The following IGF2BP3 variants were observed in gnomAD, a reference collection of about 807,000 sequenced individuals.
IGF2BP3 encodes the protein insulin-like growth factor 2 mRNA-binding protein 3.
In IGF2BP3, 9 loss-of-function variants were observed where a neutral mutation model predicts 73.8. That is an observed-to-expected ratio of 0.12 (90% confidence interval 0.07 to 0.21). The LOEUF is 0.21. IGF2BP3 is among the 10% of genes least tolerant of loss of function. The pLI is 1.00. For synonymous variants in IGF2BP3, 258 were observed against 256.7 expected, an observed-to-expected ratio of 1.01 and a Z score of -0.05; for missense variants, 542 against 714.0, an observed-to-expected ratio of 0.76 and a Z score of 2.75.
intron 2 of IGF2BP3, among the ~76,000 whole-genome samples, chr7:23,441,573 TTAAAAAAAAAA>T (rs1234382810): frequency 1.7e-4 from 11 of 66,410 alleles, no homozygotes; most frequent in African/African-American, 4.9e-4. Flanking sequence ...ACTCCATCTC[TTAAAAAAAAAA>T]AAAAAAAAAA....
chr7:23,374,958 G>C (rs1374494706), intron 3 of IGF2BP3, among the ~76,000 whole-genome samples: 1 of 151,914 alleles, frequency 6.6e-6, no homozygotes, highest in African/African-American at 2.4e-5. Flanking sequence ...CCCCGTTCAG[G>C]GTCCCTGACT....
intron 2 of IGF2BP3, among the ~76,000 whole-genome samples, chr7:23,459,529 C>T: frequency 6.6e-6 from 1 of 152,094 alleles, no homozygotes; most frequent in East Asian, 1.9e-4. Context: ...TTTAGACCAC[C>T]ATTTGGAAGA....
At chr7:23,333,024 T>C (rs1784481211) in intron 10 of IGF2BP3, among the ~76,000 whole-genome samples, 1 of 152,232 alleles carries the variant, frequency 6.6e-6, no homozygotes, top group Non-Finnish European at 1.5e-5. Flanking sequence ...TACCCCACAG[T>C]ATTTTGTCAT....
In IGF2BP3 at chr7:23,372,137, G is replaced by A. The variant is rs112576133; in HGVS notation, c.286-10396C>T. Among the ~76,000 whole-genome samples, 1,421 of 151,486 alleles carry A rather than the reference G, an allele frequency of 9.4e-3. 26 individuals are homozygous for A. The highest frequency in any genetic ancestry group is 0.033 in the African/African-American group (1,345 of 41,246). ...CACCCAGGCTGGAGTGCAGTGGCAC[G>A]ATCTTGGCTCACCGCAACCTCCGCC... On this transcript the variant is annotated intron_variant, in intron 3 of 14. Coordinates refer to ENST00000258729, the MANE Select transcript of IGF2BP3 (RefSeq NM_006547.3).
intron 3 of IGF2BP3, among the ~76,000 whole-genome samples, chr7:23,401,132 G>A (rs1166868144): frequency 6.6e-6 from 1 of 152,050 alleles, no homozygotes; most frequent in Non-Finnish European, 1.5e-5. Flanking sequence ...TTGAAGAAAT[G>A]GTCTCCTTTT....
intron 3 of IGF2BP3, among the ~76,000 whole-genome samples, chr7:23,417,080 A>G (rs1787210964): frequency 6.6e-6 from 1 of 152,136 alleles, no homozygotes; most frequent in Non-Finnish European, 1.5e-5. Context: ...ACAAACAAAC[A>G]AAAACATACA....
rs1265849838 is a variant in IGF2BP3, at chr7:23,311,645, AG to A, written c.*716del. On this transcript the variant is annotated 3_prime_UTR_variant, in exon 15 of 15. Coordinates refer to ENST00000258729, the MANE Select transcript of IGF2BP3 (RefSeq NM_006547.3). ...TTTTCCAGCTTTACTGTCACCAGCC[AG>A]AAGTAAAAATCTTAATTTGCCTGTT... The A allele has an allele frequency of 6.6e-6, 1 of 152,536 alleles. No homozygotes were observed. The highest frequency in any genetic ancestry group is 1.9e-4 in the East Asian group (1 of 5,206). 9.4% of individuals were successfully genotyped at this position (152,536 alleles called of 1,614,324 possible). A position where few individuals can be genotyped will look rare whatever the true frequency, so the allele number is the denominator to read the frequency against.
At chr7:23,358,092 A>G (rs777186904) in intron 5 of IGF2BP3, among the ~76,000 whole-genome samples, 1 of 152,230 alleles carries the variant, frequency 6.6e-6, no homozygotes, top group Non-Finnish European at 1.5e-5. Context: ...TGGAGGCATT[A>G]TCTTAGTTTT....
At chr7:23,452,190 G>A (rs1367100824) in intron 2 of IGF2BP3, among the ~76,000 whole-genome samples, 2 of 151,766 alleles carry the variant, frequency 1.3e-5, no homozygotes, top group East Asian at 2.0e-4. Flanking sequence ...GTTTTTAGTA[G>A]AGATGGGGTT....
chr7:23,320,069 C>G (rs1310884872), intron 10 of IGF2BP3, among the ~76,000 whole-genome samples: 3 of 151,818 alleles, frequency 2.0e-5, no homozygotes, highest in Non-Finnish European at 4.4e-5. Flanking sequence ...TGTCACCACA[C>G]CCGGCTAATT....
chr7:23,316,699 A>G (rs1040503322), intron 12 of IGF2BP3, among the ~76,000 whole-genome samples: 55 of 150,890 alleles, frequency 3.6e-4, no homozygotes, highest in Non-Finnish European at 7.4e-4. Flanking sequence ...AAAAAAGAGA[A>G]AAAAAAAACT....
At chr7:23,382,280 C>T (rs1785936757) in intron 3 of IGF2BP3, among the ~76,000 whole-genome samples, 1 of 152,072 alleles carries the variant, frequency 6.6e-6, no homozygotes, top group East Asian at 1.9e-4. Context: ...ATGTAATGGG[C>T]ACTACACAGG....
At chr7:23,322,950 C>G (rs1287773356) in intron 10 of IGF2BP3, among the ~76,000 whole-genome samples, 1 of 152,114 alleles carries the variant, frequency 6.6e-6, no homozygotes, top group African/African-American at 2.4e-5. Flanking sequence ...ACAACCGGTA[C>G]CAGCCACTGC....
intron 3 of IGF2BP3, among the ~76,000 whole-genome samples, chr7:23,363,565 G>T (rs1785287303): frequency 6.6e-6 from 1 of 152,136 alleles, no homozygotes; most frequent in Admixed American, 6.6e-5. Flanking sequence ...TTTAAATAAG[G>T]TTAATACCTA....
chr7:23,392,173 G>A (rs1786297349), intron 3 of IGF2BP3, among the ~76,000 whole-genome samples: 3 of 152,052 alleles, frequency 2.0e-5, no homozygotes. Context: ...GTAAACTGAT[G>A]GCCAGTACTG....
intron 2 of IGF2BP3, among the ~76,000 whole-genome samples, chr7:23,430,424 T>C (rs749193035): frequency 6.6e-6 from 1 of 152,184 alleles, no homozygotes; most frequent in African/African-American, 2.4e-5. Flanking sequence ...TGGACTGGTA[T>C]TTTCAAGTAA....
intron 2 of IGF2BP3, among the ~76,000 whole-genome samples, chr7:23,455,960 C>T (rs892027243): frequency 6.6e-6 from 1 of 152,200 alleles, no homozygotes; most frequent in Non-Finnish European, 1.5e-5. Flanking sequence ...GCTGGGATTA[C>T]AGGCATGAGC....
At chr7:23,340,990 C>T (rs1399632854) in intron 10 of IGF2BP3, among the ~76,000 whole-genome samples, 2 of 151,908 alleles carry the variant, frequency 1.3e-5, no homozygotes, top group Non-Finnish European at 2.9e-5. Flanking sequence ...GCTGGGATTA[C>T]AGGCACCTGC....
At chr7:23,417,395 G>A (rs977129548) in intron 3 of IGF2BP3, among the ~76,000 whole-genome samples, 7 of 152,124 alleles carry the variant, frequency 4.6e-5, no homozygotes, top group Non-Finnish European at 1.0e-4. Context: ...ACAATGAGGA[G>A]AGTAAAGTGA....
Sources: allele counts gnomAD v4.1 joint callset (sites outside exome capture counted in the v4.1 genomes callset), GRCh38; gene constraint gnomAD v4.1.1; transcripts MANE v1.5; gene names NCBI Gene and HGNC (gene_info 2026-07-23, HGNC 2026-07-21).